Variants in EEF2K observed in about 807,000 individuals in gnomAD.
EEF2K encodes the protein alternative protein EEF2K.
In EEF2K, 70 loss-of-function variants were observed where a neutral mutation model predicts 93.8. The ratio of observed to expected loss-of-function variants is 0.75; its 90% CI spans 0.62 to 0.91. The LOEUF (loss-of-function observed/expected upper bound fraction) is 0.91. Among genes scored for constraint, EEF2K ranks in the 40% least tolerant of loss-of-function variants. EEF2K has a pLI of 0.00. For synonymous variants in EEF2K, 376 were observed against 380.8 expected, an observed-to-expected ratio of 0.99 and a Z score of 0.15; for missense variants, 935 against 972.9, an observed-to-expected ratio of 0.96 and a Z score of 0.52.
chr16:22,273,354 G>T (rs768488963), intron 15 of EEF2K, among the ~76,000 whole-genome samples: 1 of 152,160 alleles, frequency 6.6e-6, no homozygotes, highest in Non-Finnish European at 1.5e-5. Flanking sequence ...CTCAAGTGTT[G>T]CCCTGACAAT....
intron 16 of EEF2K, among the ~76,000 whole-genome samples, chr16:22,278,078 G>A (rs1229303693): frequency 6.6e-6 from 1 of 152,048 alleles, no homozygotes. Context: ...GTGGTGACAT[G>A]CCCCTGTCAT....
chr16:22,265,112 A>G (rs13332017), intron 13 of EEF2K: 58,331 of 480,448 alleles, frequency 0.12, 5,411 homozygotes, highest in African/African-American at 0.35. Flanking sequence ...CCCATCCTGG[A>G]GGGGAAATCA....
intron 1 of EEF2K, among the ~76,000 whole-genome samples, chr16:22,218,926 A>C (rs2046985596): frequency 6.9e-6 from 1 of 144,180 alleles, no homozygotes; most frequent in Non-Finnish European, 1.5e-5. Context: ...AGGAGTTCAA[A>C]CAAAAAAATT....
chr16:22,279,022 G>A (rs558711155), intron 16 of EEF2K, among the ~76,000 whole-genome samples: 3 of 152,036 alleles, frequency 2.0e-5, no homozygotes, highest in Non-Finnish European at 4.4e-5. Context: ...CCTCTGCAGA[G>A]GACCCCGCCC....
intron 2 of EEF2K, among the ~76,000 whole-genome samples, chr16:22,239,241 G>T (rs1170772489): frequency 1.3e-5 from 2 of 152,176 alleles, no homozygotes; most frequent in African/African-American, 2.4e-5. Flanking sequence ...TTTGTGGTTG[G>T]TGCCACGGCA....
chr16:22,254,274 G>A (rs1411155814), intron 6 of EEF2K, among the ~76,000 whole-genome samples: 1 of 152,198 alleles, frequency 6.6e-6, no homozygotes, highest in Non-Finnish European at 1.5e-5. Flanking sequence ...CCTGCTGTAA[G>A]TTTCCTTGTA....
chr16:22,229,385 G>C (rs1206868485), intron 2 of EEF2K, among the ~76,000 whole-genome samples: 1 of 152,198 alleles, frequency 6.6e-6, no homozygotes, highest in Non-Finnish European at 1.5e-5. Flanking sequence ...TTTTGGTAGG[G>C]ATTTGTGTTC....
chr16:22,233,503 AC>A (rs1340618295), intron 2 of EEF2K, among the ~76,000 whole-genome samples: 1 of 150,142 alleles, frequency 6.7e-6, no homozygotes, highest in Admixed American at 6.7e-5. Flanking sequence ...ACATGGTGAA[AC>A]CCCGTCTCTA....
At chr16:22,281,195 G>A (rs985809254) in intron 17 of EEF2K, among the ~76,000 whole-genome samples, 2 of 152,132 alleles carry the variant, frequency 1.3e-5, no homozygotes, top group African/African-American at 4.8e-5. Flanking sequence ...CCAAAGTGCT[G>A]GGATTATACG....
intron 17 of EEF2K, among the ~76,000 whole-genome samples, chr16:22,283,640 A>G (rs963546803): frequency 3.9e-5 from 6 of 152,300 alleles, no homozygotes; most frequent in East Asian, 1.9e-4. Context: ...CTGATTGGCC[A>G]TGACTAAATC....
At chr16:22,250,552 G>A in intron 4 of EEF2K, 102 bp from the exon 5 acceptor site, 1 of 1,405,576 alleles carries the variant, frequency 7.1e-7, no homozygotes, top group Middle Eastern at 1.8e-4. Context: ...GAGGCCCAGG[G>A]CACCCATTTG....
At chr16:22,250,580 G>C (rs370884388) in intron 4 of EEF2K, 74 bp from the exon 5 acceptor site, 1 of 1,591,730 alleles carries the variant, frequency 6.3e-7, no homozygotes, top group Non-Finnish European at 8.6e-7. Flanking sequence ...GCATGTAAGG[G>C]GAGCACCTCC....
intron 6 of EEF2K, among the ~76,000 whole-genome samples, chr16:22,251,862 C>G (rs529005715): frequency 2.6e-5 from 4 of 152,190 alleles, no homozygotes; most frequent in Admixed American, 2.0e-4. Context: ...GGCATAATTA[C>G]AGCTCACTGC....
intron 6 of EEF2K, among the ~76,000 whole-genome samples, chr16:22,253,384 G>A (rs2047369612): frequency 2.0e-5 from 3 of 152,168 alleles, no homozygotes; most frequent in African/African-American, 7.2e-5. Context: ...GCAGGCGCAA[G>A]AAGCCACAGT....
intron 2 of EEF2K, among the ~76,000 whole-genome samples, chr16:22,231,104 T>C (rs1048158857): frequency 6.6e-6 from 1 of 152,052 alleles, no homozygotes; most frequent in African/African-American, 2.4e-5. Flanking sequence ...TTTTTTCTTT[T>C]CTGAGACAGA....
intron 6 of EEF2K, among the ~76,000 whole-genome samples, chr16:22,251,555 G>C: frequency 6.6e-6 from 1 of 151,938 alleles, no homozygotes; most frequent in African/African-American, 2.4e-5. Flanking sequence ...CCAGTAGCTG[G>C]GATTACATAC....
rs1476630596 is a variant in EEF2K at position 22,288,060 on chromosome 16, C to T, written c.*4064C>T. The T allele has an allele frequency of 1.3e-5, 2 of 150,226 alleles. No individual in the cohort carries two copies. The highest frequency in any genetic ancestry group is 2.0e-4 in the East Asian group (1 of 5,096). The allele number at this position is 150,226 out of a possible 1,614,324, so 9.3% of individuals were successfully genotyped here. On this transcript the variant is annotated 3_prime_UTR_variant, in exon 18 of 18. Transcript: ENST00000263026. ...ATTCAAGTGCAATGGCACGTTTTGG[C>T]TCACTGCAACCTCTGCCTCCCAGGT... is the stretch of plus-strand genomic sequence containing the variant.
Position 22,244,609 on chromosome 16 carries a change from C to T in EEF2K, c.247-21C>T, listed in dbSNP as rs766359281. 27 of 1,613,308 alleles carry T rather than the reference C, an allele frequency of 1.7e-5. No individual in the cohort carries two copies. In the South Asian group the frequency reaches 2.9e-4, roughly 17 times the overall value. The stretch of plus-strand genomic sequence containing the variant: ...CCTGACCTGGGCCTGATGTTCCTAC[C>T]TTCTCCTTTGCCTTCCACAGGAAGC... On this transcript the variant is annotated intron_variant, in intron 2 of 17. Transcript: ENST00000263026.
At chr16:22,223,262 G>GTTTTTTTTTTTTTTTTTTTTTTGTTT (rs58446693) in intron 1 of EEF2K, among the ~76,000 whole-genome samples, 12 of 107,476 alleles carry the variant, frequency 1.1e-4, no homozygotes, top group African/African-American at 4.1e-4. Context: ...GTTTTTTTCT[G>GTTTTTTTTTTTTTTTTTTTTTTGTTT]TTTTTTTTTT....
Sources: gnomAD v4.1 joint callset for allele counts (sites outside exome capture counted in the v4.1 genomes callset) on GRCh38, gnomAD v4.1.1 for gene constraint, MANE v1.5 for transcripts, NCBI Gene and HGNC (gene_info 2026-07-23, HGNC 2026-07-21) for gene names.